EDAR: variants seen among roughly 807,000 people sequenced by gnomAD.
EDAR encodes ectodysplasin A receptor.
Under a neutral mutation model 51.3 loss-of-function variants are expected in EDAR, and 38 were observed. That is an observed-to-expected ratio of 0.74 (90% CI 0.57 to 0.97). EDAR has a LOEUF of 0.97. Ranked by LOEUF, EDAR falls within the 50% of genes least tolerant of loss-of-function variation. The pLI is 0.00. For missense variants in EDAR, 528 were observed against 595.0 expected (o/e 0.89, Z 1.17); for synonymous variants, 227 against 242.1 (o/e 0.94, Z 0.58).
intron 1 of EDAR, among the ~76,000 whole-genome samples, chr2:108,944,872 G>GCAGGTCC (rs1697685788): frequency 6.6e-6 from 1 of 152,206 alleles, no homozygotes; most frequent in African/African-American, 2.4e-5. Context: ...GCCGCCACCT[G>GCAGGTCC]CAGGTCCCAG....
rs1311994726 is a variant in EDAR, at chr2:108,896,039, G to A, written c.*868C>T. ...CCTTCAGCATTGCTGCCCCTAAAAG[G>A]TCAAATCTGCCTAAGACTGAAGTGG... On this transcript the variant is annotated 3_prime_UTR_variant, in exon 12 of 12. Transcript: ENST00000258443. 6.6e-6 allele frequency: 1 copy of A among 152,184 alleles called. No homozygotes were observed. Among genetic ancestry groups the A allele is most frequent in the African/African-American group, 2.4e-5 (1 of 41,442 alleles). 9.4% of individuals were successfully genotyped at this position (152,184 alleles called of 1,614,324 possible).
At chr2:108,936,973 G>A (rs576971291) in intron 1 of EDAR, among the ~76,000 whole-genome samples, 32 of 152,290 alleles carry the variant, frequency 2.1e-4, no homozygotes, top group Admixed American at 2.0e-3. Context: ...TAAATAGCCG[G>A]TCCTGTTCCC....
chr2:108,906,220 C>G (rs1014136491), intron 11 of EDAR, 88 bp downstream of exon 11: 313 of 1,397,834 alleles, frequency 2.2e-4, no homozygotes, highest in Non-Finnish European at 3.1e-4. Flanking sequence ...TCCCTCAGTT[C>G]CCCTCACAGG....
chr2:108,910,132 G>A (rs6712796), intron 9 of EDAR, among the ~76,000 whole-genome samples: 1 of 152,212 alleles, frequency 6.6e-6, no homozygotes, highest in South Asian at 2.1e-4. Context: ...GGCCGCAACA[G>A]GCATGCATCC....
intron 1 of EDAR, among the ~76,000 whole-genome samples, chr2:108,963,031 A>G (rs1186673901): frequency 6.6e-6 from 1 of 152,140 alleles, no homozygotes; most frequent in East Asian, 1.9e-4. Flanking sequence ...ATTGAACTGA[A>G]CAAAATCTGG....
intron 1 of EDAR, among the ~76,000 whole-genome samples, chr2:108,934,094 A>G (rs1286306763): frequency 6.6e-6 from 1 of 152,218 alleles, no homozygotes; most frequent in East Asian, 1.9e-4. Flanking sequence ...GTCAACCAGG[A>G]GCACTTATCG....
intron 5 of EDAR, 67 bp from the exon 6 acceptor site, chr2:108,912,831 G>T: frequency 1.5e-6 from 2 of 1,327,386 alleles, no homozygotes; most frequent in Non-Finnish European, 2.1e-6. Context: ...CTGCCACAGA[G>T]CTCATGGATC....
intron 1 of EDAR, among the ~76,000 whole-genome samples, chr2:108,967,771 G>A (rs1350304677): frequency 3.3e-5 from 5 of 152,122 alleles, no homozygotes; most frequent in Non-Finnish European, 5.9e-5. Flanking sequence ...ATTTCTGCTT[G>A]TTTGAGAGCT....
chr2:108,948,572 C>A (rs908824214), intron 1 of EDAR, among the ~76,000 whole-genome samples: 1 of 152,152 alleles, frequency 6.6e-6, no homozygotes, highest in Non-Finnish European at 1.5e-5. Context: ...TCACAGTCAT[C>A]GCAGAAGGCA....
Position 108,896,687 on chromosome 2 carries a change from G to A in EDAR, c.*220C>T, listed in dbSNP as rs2105370964. ...AGTAGATATTTACTCTGCCTGGTGA[G>A]GTACAGGCGAGCATCTGAAAGTATC... On this transcript the variant is annotated 3_prime_UTR_variant, in exon 12 of 12. Transcript: ENST00000258443. 1 of 578,098 alleles carries A rather than the reference G, an allele frequency of 1.7e-6. No homozygotes were observed. Among genetic ancestry groups the A allele is most frequent in the East Asian group, 2.9e-5 (1 of 35,046 alleles). 35.8% of individuals were successfully genotyped at this position (578,098 alleles called of 1,614,324 possible). A position where few individuals can be genotyped will look rare whatever the true frequency, so the allele number is the denominator to read the frequency against.
chr2:108,897,098 C>A lies in EDAR; in HGVS notation c.1156G>T (p.Asp386Tyr). ...HLAESFGLKRDEIGGMTDGMQ... is the reference protein window; with the variant it reads ...HLAESFGLKRYEIGGMTDGMQ... ...CCGTCTGTCATGCCCCCAATCTCAT[C>A]CCTCTTCAGGCCGAAGCTCTCGGCG... Residue 386 changes from aspartate to tyrosine, a missense_variant, in exon 12 of 12, where the codon GAT (aspartate) becomes TAT (tyrosine). Asp to Tyr is a radical substitution (Grantham distance 160). Coordinates refer to ENST00000258443, the MANE Select transcript of EDAR (RefSeq NM_022336.4). 1 of 1,614,166 alleles carries A rather than the reference C, an allele frequency of 6.2e-7. No homozygotes were observed. The highest frequency in any genetic ancestry group is 8.5e-7 in the Non-Finnish European group (1 of 1,180,038).
intron 1 of EDAR, among the ~76,000 whole-genome samples, chr2:108,983,053 C>T (rs1243972857): frequency 1.3e-5 from 2 of 152,220 alleles, no homozygotes; most frequent in South Asian, 2.1e-4. Flanking sequence ...AAACCACACT[C>T]TGCAAATCTA....
intron 1 of EDAR, among the ~76,000 whole-genome samples, chr2:108,961,274 C>T (rs1574406560): frequency 6.6e-6 from 1 of 151,810 alleles, no homozygotes; most frequent in African/African-American, 2.4e-5. Flanking sequence ...AGTCCTTTCC[C>T]TCCTAAATAA....
intron 5 of EDAR, 89 bp from the exon 6 acceptor site, chr2:108,912,853 T>G: frequency 9.0e-7 from 1 of 1,116,684 alleles, no homozygotes; most frequent in Non-Finnish European, 1.3e-6. Context: ...GGATTCATGA[T>G]CATGAATGGG....
rs1175929905 is a variant in EDAR, at chr2:108,897,291, G to A, written c.1025-62C>T. The A allele has an allele frequency of 9.1e-6, 13 of 1,435,152 alleles. No individual in the cohort carries two copies. In the Admixed American group the frequency reaches 1.3e-4, roughly 15 times the overall value. The allele number at this position is 1,435,152 out of a possible 1,614,324, so 88.9% of individuals were successfully genotyped here. ...TCACAGTCAATAGAAGGTCAACACT[G>A]AAAAATTATTTAAATGAAATAAAAA... On this transcript the variant is annotated intron_variant, in intron 11 of 11. Transcript: ENST00000258443.
Position 108,894,681 on chromosome 2 carries a change from T to A in EDAR, c.*2226A>T, listed in dbSNP as rs1696546635. ...AGTCCCAGCTTTGGTCAGTGAGAAT[T>A]ATTATGATCTCATTGTTCTGAATCC... is the stretch of plus-strand genomic sequence containing the variant. On this transcript the variant is annotated 3_prime_UTR_variant, in exon 12 of 12. Transcript: ENST00000258443. 6.6e-6 allele frequency: 1 copy of A among 152,522 alleles called. No individual in the cohort carries two copies. 9.4% of individuals were successfully genotyped at this position (152,522 alleles called of 1,614,324 possible).
chr2:108,977,007 T>G lies in EDAR; in HGVS notation c.-19+11953A>C, dbSNP rs180807618. On this transcript the variant is annotated intron_variant, in intron 1 of 11. Transcript: ENST00000258443. ...ACAAATGCTAAGATGAAAAGGTGTC[T>G]GAGGGTGCCCCAAATACCTCTGACT... Among the ~76,000 whole-genome samples the G allele has an allele frequency of 8.5e-5, 13 of 152,274 alleles. No homozygotes were observed. In the East Asian group the frequency reaches 2.5e-3, roughly 29 times the overall value.
At chr2:108,975,871 G>A (rs1698314779) in intron 1 of EDAR, among the ~76,000 whole-genome samples, 1 of 152,188 alleles carries the variant, frequency 6.6e-6, no homozygotes, top group African/African-American at 2.4e-5. Flanking sequence ...TCTGTGGATG[G>A]TGGAAAGGGC....
intron 11 of EDAR, among the ~76,000 whole-genome samples, chr2:108,905,506 G>A (rs1225623653): frequency 2.0e-5 from 3 of 150,982 alleles, no homozygotes; most frequent in African/African-American, 7.3e-5. Flanking sequence ...GGGCACAGGG[G>A]GCTGCATTTG....
Sources: allele counts gnomAD v4.1 joint callset (sites outside exome capture counted in the v4.1 genomes callset), GRCh38; gene constraint gnomAD v4.1.1; transcripts MANE v1.5; gene names NCBI Gene and HGNC (gene_info 2026-07-23, HGNC 2026-07-21).